The following NR5A2 variants were observed in gnomAD, a reference collection of about 807,000 sequenced individuals.
NR5A2 encodes nuclear receptor subfamily 5 group A member 2.
NR5A2 carries 26 observed loss-of-function variants against 62.7 expected under a neutral mutation model. That is an observed-to-expected ratio of 0.41 (90% confidence interval 0.30 to 0.58). The LOEUF is 0.58. Ranked by LOEUF, NR5A2 falls within the 20% of genes least tolerant of loss-of-function variation. The pLI, the probability that NR5A2 is intolerant of heterozygous loss-of-function variation, is 0.22. For missense variants in NR5A2, 541 were observed against 669.1 expected (o/e 0.81, Z 2.11); for synonymous variants, 246 against 241.7 (o/e 1.02, Z -0.16).
At chr1:200,079,192 C>T (rs1024292192) in intron 5 of NR5A2, among the ~76,000 whole-genome samples, 1 of 152,168 alleles carries the variant, frequency 6.6e-6, no homozygotes, top group African/African-American at 2.4e-5. Context: ...ATAACCTGCT[C>T]ACTCTATGGA....
At chr1:200,038,899 G>A (rs1271586174) in intron 1 of NR5A2, 2 of 513,432 alleles carry the variant, frequency 3.9e-6, no homozygotes, top group Non-Finnish European at 5.9e-6. Context: ...ATTGGCTGGC[G>A]GCTAGTGTCC....
chr1:200,044,993 AAAT>A (rs1662291245), intron 3 of NR5A2, among the ~76,000 whole-genome samples: 1 of 151,138 alleles, frequency 6.6e-6, no homozygotes. Context: ...AAAAAAAAAA[AAAT>A]CTGAGGTGTT....
At chr1:200,108,054 C>T (rs1665772289) in intron 5 of NR5A2, among the ~76,000 whole-genome samples, 1 of 149,790 alleles carries the variant, frequency 6.7e-6, no homozygotes, top group African/African-American at 2.5e-5. Flanking sequence ...AGGAAGACCC[C>T]TTGATGAGAT....
intron 5 of NR5A2, among the ~76,000 whole-genome samples, chr1:200,052,763 T>C (rs1662700964): frequency 6.6e-6 from 1 of 152,122 alleles, no homozygotes; most frequent in South Asian, 2.1e-4. Context: ...TGCCTCAGCC[T>C]CCTGAGTAGC....
intron 7 of NR5A2, among the ~76,000 whole-genome samples, chr1:200,128,368 G>A (rs1287985636): frequency 6.6e-6 from 1 of 152,180 alleles, no homozygotes; most frequent in Admixed American, 6.5e-5. Flanking sequence ...GGGTTTCAGA[G>A]CTCCAGCAAG....
At chr1:200,136,818 C>G (rs998195743) in intron 7 of NR5A2, among the ~76,000 whole-genome samples, 2 of 152,328 alleles carry the variant, frequency 1.3e-5, no homozygotes, top group African/African-American at 4.8e-5. Context: ...ATAATTCCCC[C>G]TCATCAACAT....
At chr1:200,033,923 C>T (rs1440218661) in intron 1 of NR5A2, among the ~76,000 whole-genome samples, 1 of 152,174 alleles carries the variant, frequency 6.6e-6, no homozygotes, top group Admixed American at 6.5e-5. Flanking sequence ...GCGGTCCCGG[C>T]ACTCTTTGAC....
chr1:200,147,312 G>GC lies in NR5A2; in HGVS notation c.1378+26358dup, dbSNP rs966137925. Among the ~76,000 whole-genome samples the GC allele has an allele frequency of 5.9e-5, 9 of 152,196 alleles. No homozygotes were observed. Among genetic ancestry groups the GC allele is most frequent in the African/African-American group, 9.6e-5 (4 of 41,458 alleles). Reference sequence around the variant, plus strand: ...ATCTGCTGTGCCAGGCGCCTACTGTGCGCTCCTCTCCTCATCCAGCAAAGC... The same window carrying GC: ...ATCTGCTGTGCCAGGCGCCTACTGTGCCGCTCCTCTCCTCATCCAGCAAAGC... On this transcript the variant is annotated intron_variant, in intron 7 of 7. Transcript: ENST00000367362. This position sits in a 1 kb window ranked among gnomAD's most constrained non-coding sequence, Gnocchi z 4.9.
intron 7 of NR5A2, among the ~76,000 whole-genome samples, chr1:200,159,107 TCTCCAA>T (rs1289342896): frequency 6.6e-6 from 1 of 151,866 alleles, no homozygotes; most frequent in Non-Finnish European, 1.5e-5. Context: ...ATCAGACTGG[TCTCCAA>T]CTCCTGGCCT....
At chr1:200,111,813 C>T (rs1472656623) in intron 6 of NR5A2, among the ~76,000 whole-genome samples, 1 of 151,872 alleles carries the variant, frequency 6.6e-6, no homozygotes, top group Non-Finnish European at 1.5e-5. Context: ...AAGATCCAGT[C>T]ATTCAAATGA....
chr1:200,139,662 A>G (rs1234858344), intron 7 of NR5A2, among the ~76,000 whole-genome samples: 2 of 152,010 alleles, frequency 1.3e-5, no homozygotes, highest in African/African-American at 4.8e-5. Context: ...ATTTTCAGCC[A>G]TACATTTTCA....
chr1:200,111,315 G>C lies in NR5A2; in HGVS notation c.1224G>C (p.Gly408=). The change falls in exon 6 of 8, where the codon GGG becomes GGC. Residue 408 remains glycine, a synonymous_variant. Coordinates refer to ENST00000367362, the MANE Select transcript of NR5A2 (RefSeq NM_205860.3). ...AAGGATCCATCTTCCTGGTTACTGG[G>C]CAACAAGTGAGTGTAGAGACCAAAA... is the stretch of plus-strand genomic sequence containing the variant. ...GKEGSIFLVT[G]QQVDYSIIAS... is the part of the protein sequence containing the mutation. 6.3e-7 allele frequency: 1 copy of C among 1,587,624 alleles called. No individual in the cohort carries two copies. The highest frequency in any genetic ancestry group is 8.6e-7 in the Non-Finnish European group (1 of 1,168,312).
intron 5 of NR5A2, among the ~76,000 whole-genome samples, chr1:200,059,947 T>A (rs1663119526): frequency 6.6e-6 from 1 of 152,048 alleles, no homozygotes. Flanking sequence ...AAAAATGACA[T>A]AAACCACGTC....
Position 200,039,645 on chromosome 1 carries a change from T to C in NR5A2, c.65-13T>C. On this transcript the variant is annotated splice_polypyrimidine_tract_variant and intron_variant, in intron 1 of 7. Coordinates refer to ENST00000367362, the MANE Select transcript of NR5A2 (RefSeq NM_205860.3). The surrounding 1 kb of genome is among the most constrained non-coding windows in gnomAD (Gnocchi z 5.1). ...CTTTTCGCCGGAGTTGAATCTGTGC[T>C]GCCCGTGTCCAGGTGCTGGGCTTCC... The C allele has an allele frequency of 6.2e-7, 1 of 1,611,206 alleles. No individual in the cohort carries two copies. Among genetic ancestry groups the C allele is most frequent in the East Asian group, 2.2e-5 (1 of 44,546 alleles).
chr1:200,107,060 TC>T (rs917779124), intron 5 of NR5A2, among the ~76,000 whole-genome samples: 4 of 152,142 alleles, frequency 2.6e-5, no homozygotes, highest in Non-Finnish European at 5.9e-5. Context: ...AAATTAACAA[TC>T]AGTCAAGTCT....
chr1:200,073,150 G>A (rs1056881057), intron 5 of NR5A2, among the ~76,000 whole-genome samples: 2 of 151,036 alleles, frequency 1.3e-5, no homozygotes, highest in Admixed American at 6.6e-5. Flanking sequence ...CTAGTGCATC[G>A]TGAACAGCCC....
At chr1:200,114,859 G>C (rs191678422) in intron 6 of NR5A2, among the ~76,000 whole-genome samples, 2 of 152,190 alleles carry the variant, frequency 1.3e-5, no homozygotes, top group African/African-American at 4.8e-5. Flanking sequence ...GCTAGAGTTT[G>C]TGTTCTTTAC....
intron 1 of NR5A2, among the ~76,000 whole-genome samples, chr1:200,036,459 G>C (rs1661783646): frequency 6.6e-6 from 1 of 152,190 alleles, no homozygotes; most frequent in South Asian, 2.1e-4. Context: ...GGAGAAGAAA[G>C]GGTGCACTTG....
chr1:200,175,024 T>A lies in NR5A2; in HGVS notation c.*814T>A, dbSNP rs1220945196. The stretch of plus-strand genomic sequence containing the variant: ...CAAATGCTCCATAGCTAAAGCAACT[T>A]AGACCTTATTTCTGCTACTGTTGCT... On this transcript the variant is annotated 3_prime_UTR_variant, in exon 8 of 8. Coordinates refer to ENST00000367362, the MANE Select transcript of NR5A2 (RefSeq NM_205860.3). 1 of 152,654 alleles carries A rather than the reference T, an allele frequency of 6.6e-6. No individual in the cohort carries two copies. The highest frequency in any genetic ancestry group is 1.5e-5 in the Non-Finnish European group (1 of 68,036). 9.5% of individuals were successfully genotyped at this position (152,654 alleles called of 1,614,324 possible). A position where few individuals can be genotyped will look rare whatever the true frequency, so the allele number is the denominator to read the frequency against.
Sources: gnomAD v4.1 joint callset for allele counts (sites outside exome capture counted in the v4.1 genomes callset) on GRCh38, gnomAD v4.1.1 for gene constraint, Gnocchi (gnomAD v3.1) non-coding constraint, MANE v1.5 for transcripts, NCBI Gene and HGNC (gene_info 2026-07-23, HGNC 2026-07-21) for gene names.